Variants in MACROD2 observed in about 807,000 individuals in gnomAD.
The protein encoded by MACROD2 is ADP-ribose glycohydrolase MACROD2.
A neutral mutation model predicts 70.4 loss-of-function variants in MACROD2; 36 were observed. The observed-to-expected ratio is 0.51, with a 90% CI of 0.39 to 0.68. MACROD2 has a LOEUF of 0.68. MACROD2 is among the 30% of genes least tolerant of loss of function. The pLI, the probability that MACROD2 is intolerant of heterozygous loss-of-function variation, is 0.00. For missense variants in MACROD2, 496 were observed against 538.4 expected (o/e 0.92, Z 0.78); for synonymous variants, 172 against 178.8 (o/e 0.96, Z 0.30).
chr20:14,690,398 A>T lies in MACROD2; in HGVS notation c.418+5439A>T, dbSNP rs545316849. On this transcript the variant is annotated intron_variant, in intron 5 of 17. Transcript: ENST00000684519. ...TTGAATGAGTGGTATGAATCAGAAT[A>T]CACATTCTATTCCCAGGTGCAATAA... Among the ~76,000 whole-genome samples, 60 of 152,342 alleles carry T rather than the reference A, an allele frequency of 3.9e-4. No individual in the cohort carries two copies. The Middle Eastern group carries it at 0.01, about 26-fold the overall frequency.
At chr20:15,319,076 AAG>A (rs2077845251) in intron 6 of MACROD2, among the ~76,000 whole-genome samples, 1 of 152,182 alleles carries the variant, frequency 6.6e-6, no homozygotes, top group Non-Finnish European at 1.5e-5. Context: ...AATCCACAAA[AAG>A]AGAAAACTGC....
intron 5 of MACROD2, among the ~76,000 whole-genome samples, chr20:14,919,974 C>T (rs916649479): frequency 3.9e-5 from 6 of 152,140 alleles, no homozygotes; most frequent in African/African-American, 1.2e-4. Context: ...CTGAATCTAG[C>T]TCCTCCCACC....
chr20:15,809,940 T>C (rs1188015622), intron 8 of MACROD2, among the ~76,000 whole-genome samples: 1 of 151,172 alleles, frequency 6.6e-6, no homozygotes, highest in East Asian at 2.0e-4. Flanking sequence ...TGTATACATG[T>C]GCCATGTTGG....
chr20:15,170,365 G>T (rs954881560), intron 5 of MACROD2, among the ~76,000 whole-genome samples: 1 of 152,180 alleles, frequency 6.6e-6, no homozygotes, highest in East Asian at 1.9e-4. Flanking sequence ...GGAGATCAGA[G>T]AAAAGTCACT....
chr20:15,463,582 T>C (rs2046846694), intron 7 of MACROD2, among the ~76,000 whole-genome samples: 1 of 152,116 alleles, frequency 6.6e-6, no homozygotes, highest in East Asian at 1.9e-4. Flanking sequence ...AAACCCCGTC[T>C]CTACTAAAAA....
At chr20:15,948,018 G>C (rs2065849046) in intron 12 of MACROD2, among the ~76,000 whole-genome samples, 1 of 152,088 alleles carries the variant, frequency 6.6e-6, no homozygotes, top group Non-Finnish European at 1.5e-5. Context: ...GAAGCAGTTA[G>C]AGCGGTCATT....
intron 8 of MACROD2, 43 bp from the exon 9 acceptor site, chr20:15,862,702 C>T (rs1424463444): frequency 6.6e-7 from 1 of 1,516,346 alleles, no homozygotes; most frequent in Non-Finnish European, 9.1e-7. Flanking sequence ...AGGGCAATTG[C>T]CATATTTTTT....
At chr20:14,758,912 G>A (rs1419280785) in intron 5 of MACROD2, among the ~76,000 whole-genome samples, 1 of 151,814 alleles carries the variant, frequency 6.6e-6, no homozygotes, top group Non-Finnish European at 1.5e-5. Context: ...ACCAAATATG[G>A]GGGCCCACTT....
At chr20:15,963,917 A>G (rs2066101159) in intron 12 of MACROD2, among the ~76,000 whole-genome samples, 1 of 152,074 alleles carries the variant, frequency 6.6e-6, no homozygotes, top group African/African-American at 2.4e-5. Flanking sequence ...TTTGGCTTGA[A>G]TATTTGATTT....
At chr20:16,029,936 C>A (rs1568721687) in intron 15 of MACROD2, among the ~76,000 whole-genome samples, 1 of 152,174 alleles carries the variant, frequency 6.6e-6, no homozygotes, top group African/African-American at 2.4e-5. Flanking sequence ...CTGGCGTGAA[C>A]AAGAACCAGG....
intron 5 of MACROD2, among the ~76,000 whole-genome samples, chr20:14,885,217 C>T (rs987702198): frequency 1.3e-5 from 2 of 152,090 alleles, no homozygotes; most frequent in African/African-American, 4.8e-5. Context: ...CTATAGTTAC[C>T]CAAGCCAGAA....
chr20:15,076,463 G>A (rs919218421), intron 5 of MACROD2, among the ~76,000 whole-genome samples: 1 of 152,040 alleles, frequency 6.6e-6, no homozygotes, highest in South Asian at 2.1e-4. Context: ...GTCAAATTAA[G>A]CTTGTCACAT....
intron 6 of MACROD2, among the ~76,000 whole-genome samples, chr20:15,375,075 T>C (rs1223017089): frequency 6.6e-6 from 1 of 152,230 alleles, no homozygotes; most frequent in Non-Finnish European, 1.5e-5. Context: ...TTGCAAAATA[T>C]TGCCAGTCTT....
intron 3 of MACROD2, among the ~76,000 whole-genome samples, chr20:14,315,012 C>T (rs1016536749): frequency 1.3e-5 from 2 of 152,086 alleles, no homozygotes; most frequent in Non-Finnish European, 2.9e-5. Context: ...AGATAATGCT[C>T]TTAGTCATTA....
At chr20:15,124,436 C>T (rs114170400) in intron 5 of MACROD2, among the ~76,000 whole-genome samples, 139 of 148,912 alleles carry the variant, frequency 9.3e-4, no homozygotes, top group African/African-American at 3.3e-3. Context: ...CTGTTTATGA[C>T]TAGAAAACCT....
At chr20:15,891,520 A>T (rs1382752459) in intron 10 of MACROD2, among the ~76,000 whole-genome samples, 1 of 152,134 alleles carries the variant, frequency 6.6e-6, no homozygotes, top group Non-Finnish European at 1.5e-5. Flanking sequence ...AAGCAGGGAG[A>T]TTAGAAGGCT....
chr20:15,141,910 C>T (rs1019185828), intron 5 of MACROD2, among the ~76,000 whole-genome samples: 3 of 152,174 alleles, frequency 2.0e-5, no homozygotes, highest in African/African-American at 4.8e-5. Flanking sequence ...CCAGATCGAG[C>T]TTGTGCTTCC....
intron 5 of MACROD2, among the ~76,000 whole-genome samples, chr20:14,883,485 A>G (rs1330656139): frequency 2.0e-5 from 3 of 152,046 alleles, no homozygotes; most frequent in Non-Finnish European, 1.5e-5. Flanking sequence ...TGAATTTTTC[A>G]TGCCTTTTTC....
At chr20:15,633,296 T>G (rs1438461088) in intron 8 of MACROD2, among the ~76,000 whole-genome samples, 2 of 152,242 alleles carry the variant, frequency 1.3e-5, no homozygotes, top group Admixed American at 1.3e-4. Context: ...TTAACTCAAT[T>G]TGCTGTATTC....
Sources: allele counts gnomAD v4.1 joint callset (sites outside exome capture counted in the v4.1 genomes callset), GRCh38; gene constraint gnomAD v4.1.1; transcripts MANE v1.5; gene names NCBI Gene and HGNC (gene_info 2026-07-23, HGNC 2026-07-21).